The following ADAM10 variants were observed in gnomAD, a reference collection of about 807,000 sequenced individuals.
The protein encoded by ADAM10 is disintegrin and metalloproteinase domain-containing protein 10.
Under a neutral mutation model 90.1 loss-of-function variants are expected in ADAM10, and 17 were observed. That is an observed-to-expected ratio of 0.19 (90% CI 0.13 to 0.28). The LOEUF is 0.28. Ranked by LOEUF, ADAM10 falls within the 10% of genes least tolerant of loss-of-function variation. The pLI, the probability that ADAM10 is intolerant of heterozygous loss-of-function variation, is 1.00. For synonymous variants in ADAM10, 310 were observed against 298.6 expected, an observed-to-expected ratio of 1.04 and a Z score of -0.40; for missense variants, 610 against 914.3, an observed-to-expected ratio of 0.67 and a Z score of 4.29.
Position 58,597,571 on chromosome 15 carries a change from A to G in ADAM10, c.2223T>C (p.Tyr741=), listed in dbSNP as rs1281255441. The change falls in exon 16 of 16, where the codon TAT becomes TAC. Residue 741 remains tyrosine (Y), a synonymous_variant. Transcript: ENST00000260408. ...GTTAGCGTCTCATGTGTCCCATTTGATAACTCTCTCGGGGCCGCTGACGCT... is the reference window on the plus strand; with the variant it reads ...GTTAGCGTCTCATGTGTCCCATTTGGTAACTCTCTCGGGGCCGCTGACGCT... ...QPQRQRPRES[Y]QMGHMRR The G allele has an allele frequency of 4.3e-6, 7 of 1,614,126 alleles. No homozygotes were observed. Among genetic ancestry groups the G allele is most frequent in the Non-Finnish European group, 5.1e-6 (6 of 1,180,016 alleles).
intron 2 of ADAM10, among the ~76,000 whole-genome samples, chr15:58,694,423 C>A (rs1897916871): frequency 6.6e-6 from 1 of 152,004 alleles, no homozygotes; most frequent in South Asian, 2.1e-4. Flanking sequence ...TGCACTCCAG[C>A]CTGGGAAACA....
intron 5 of ADAM10, among the ~76,000 whole-genome samples, chr15:58,658,962 T>C (rs1400480566): frequency 6.6e-6 from 1 of 152,132 alleles, no homozygotes; most frequent in Non-Finnish European, 1.5e-5. Flanking sequence ...GGACTTTGTG[T>C]ATAATGCTGA....
At chr15:58,692,627 AC>A in intron 2 of ADAM10, 1 of 558,984 alleles carries the variant, frequency 1.8e-6, no homozygotes, top group Non-Finnish European at 3.6e-6. Flanking sequence ...TCTTCTAAGT[AC>A]TCTGTCTGAT....
In ADAM10 at chr15:58,593,910, G is replaced by C. The variant is rs1294166719; in HGVS notation, c.*3637C>G. ...TAAATTTCTATCCTAATCATATAAA[G>C]AGTTGAATACAGAAACAATAGTGAA... On this transcript the variant is annotated 3_prime_UTR_variant, in exon 16 of 16. Transcript: ENST00000260408. 1 of 152,096 alleles carries C rather than the reference G, an allele frequency of 6.6e-6. No homozygotes were observed. The highest frequency in any genetic ancestry group is 1.5e-5 in the Non-Finnish European group (1 of 68,010). 9.4% of individuals were successfully genotyped at this position (152,096 alleles called of 1,614,324 possible).
intron 4 of ADAM10, among the ~76,000 whole-genome samples, chr15:58,673,449 T>A (rs963490238): frequency 7.3e-5 from 11 of 151,616 alleles, no homozygotes; most frequent in Admixed American, 7.2e-4. Context: ...TAATAACAAT[T>A]TTTTATTTTA....
chr15:58,680,061 T>C (rs549871832), intron 3 of ADAM10, among the ~76,000 whole-genome samples: 69 of 152,196 alleles, frequency 4.5e-4, no homozygotes, highest in African/African-American at 1.6e-3. Flanking sequence ...TTCCATCCGA[T>C]ATATTGTGCA....
chr15:58,667,092 G>C (rs1263168877), intron 4 of ADAM10, among the ~76,000 whole-genome samples: 1 of 152,090 alleles, frequency 6.6e-6, no homozygotes, highest in South Asian at 2.1e-4. Context: ...CTAAATCATA[G>C]GATGCACTGT....
At chr15:58,598,755 G>A (rs1341217554) in intron 15 of ADAM10, among the ~76,000 whole-genome samples, 7 of 152,308 alleles carry the variant, frequency 4.6e-5, no homozygotes, top group African/African-American at 9.6e-5. Context: ...TAAACAATAC[G>A]AAGGGTTTAT....
At chr15:58,748,935 GAAC>G (rs1255613851) in intron 1 of ADAM10, 1 of 398,616 alleles carries the variant, frequency 2.5e-6, no homozygotes, top group African/African-American at 2.1e-5. Flanking sequence ...GCCGGGTAAA[GAAC>G]AATACACGAG....
chr15:58,723,406 C>T (rs1425842626), intron 1 of ADAM10, among the ~76,000 whole-genome samples: 1 of 152,012 alleles, frequency 6.6e-6, no homozygotes, highest in South Asian at 2.1e-4. Context: ...AATCACAAGC[C>T]GGGTGTGGTG....
chr15:58,680,248 T>C (rs1460725820), intron 3 of ADAM10, among the ~76,000 whole-genome samples: 1 of 151,838 alleles, frequency 6.6e-6, no homozygotes, highest in African/African-American at 2.4e-5. Flanking sequence ...TCCGCCTCCC[T>C]AGTAGCTGGG....
intron 8 of ADAM10, among the ~76,000 whole-genome samples, chr15:58,636,386 T>C (rs530876071): frequency 1.3e-5 from 2 of 152,288 alleles, no homozygotes; most frequent in South Asian, 2.1e-4. Context: ...CTGAAAGTTA[T>C]GGTTTAATTT....
intron 4 of ADAM10, among the ~76,000 whole-genome samples, chr15:58,671,073 A>C (rs1363999933): frequency 6.6e-6 from 1 of 152,152 alleles, no homozygotes; most frequent in East Asian, 1.9e-4. Context: ...TTGACATATT[A>C]CCTCTTGTGC....
chr15:58,655,022 T>G (rs1896773957), intron 5 of ADAM10, among the ~76,000 whole-genome samples: 1 of 152,212 alleles, frequency 6.6e-6, no homozygotes, highest in Non-Finnish European at 1.5e-5. Context: ...TGTTCTATAC[T>G]GCAGATTAAG....
intron 2 of ADAM10, among the ~76,000 whole-genome samples, chr15:58,700,702 A>T (rs1898107905): frequency 6.6e-6 from 1 of 152,132 alleles, no homozygotes; most frequent in African/African-American, 2.4e-5. Flanking sequence ...AAAACCCAAA[A>T]TTAGTAGAAG....
intron 14 of ADAM10, among the ~76,000 whole-genome samples, chr15:58,603,062 A>G (rs1895159020): frequency 6.6e-6 from 1 of 152,132 alleles, no homozygotes. Flanking sequence ...TTTACAATCT[A>G]CTTTCTAAAA....
chr15:58,647,864 T>C (rs1208787563), intron 5 of ADAM10, among the ~76,000 whole-genome samples: 5 of 152,190 alleles, frequency 3.3e-5, no homozygotes, highest in African/African-American at 7.2e-5. Flanking sequence ...CAATTAAGTA[T>C]TTCTTCAAAG....
chr15:58,622,201 C>G (rs532305604), intron 10 of ADAM10, among the ~76,000 whole-genome samples: 14 of 152,254 alleles, frequency 9.2e-5, no homozygotes, highest in African/African-American at 3.4e-4. Flanking sequence ...GAATGTATCA[C>G]TATGACATAA....
intron 8 of ADAM10, among the ~76,000 whole-genome samples, chr15:58,635,370 A>G (rs576550740): frequency 1.3e-5 from 2 of 152,000 alleles, no homozygotes; most frequent in Non-Finnish European, 1.5e-5. Context: ...GGTGATGTAT[A>G]TGCACATTAA....
Sources: gnomAD v4.1 joint callset for allele counts (sites outside exome capture counted in the v4.1 genomes callset) on GRCh38, gnomAD v4.1.1 for gene constraint, MANE v1.5 for transcripts, NCBI Gene and HGNC (gene_info 2026-07-23, HGNC 2026-07-21) for gene names.